RASGRP1: variants seen among roughly 807,000 people sequenced by gnomAD.
RASGRP1 encodes RAS guanyl-releasing protein 1.
A neutral mutation model predicts 95.1 loss-of-function variants in RASGRP1; 37 were observed. The ratio of observed to expected loss-of-function variants is 0.39; its 90% CI spans 0.30 to 0.51. The LOEUF is 0.51. RASGRP1 is among the 20% of genes least tolerant of loss of function. The probability of loss-of-function intolerance (pLI) is 0.80; values close to 1 mark genes in which losing one functional copy is unlikely to be tolerated. For synonymous variants in RASGRP1, 325 were observed against 353.4 expected (o/e 0.92, Z 0.90); for missense variants, 711 against 965.4 (o/e 0.74, Z 3.49).
intron 5 of RASGRP1, 29 bp downstream of exon 5, chr15:38,518,263 G>C (rs1239012151): frequency 6.2e-7 from 1 of 1,602,382 alleles, no homozygotes; most frequent in Non-Finnish European, 8.5e-7. Flanking sequence ...AGGTGGTTTC[G>C]AAAGATGAGT....
chr15:38,556,587 T>C lies in RASGRP1; in HGVS notation c.220+3234A>G, dbSNP rs146193081. Among the ~76,000 whole-genome samples, 57 of 152,368 alleles carry C rather than the reference T, an allele frequency of 3.7e-4. No homozygotes were observed. In the East Asian group the frequency reaches 9.8e-3, roughly 26 times the overall value. On this transcript the variant is annotated intron_variant, in intron 2 of 16. Coordinates refer to ENST00000310803, the MANE Select transcript of RASGRP1 (RefSeq NM_005739.4). The stretch of plus-strand genomic sequence containing the variant: ...CGACAAACATCTACCCTCTCCAGCA[T>C]TGTCCAACTGACTTTTTTGCAACAA...
intron 9 of RASGRP1, 35 bp from the exon 10 acceptor site, chr15:38,505,955 G>A (rs2141099943): frequency 6.6e-7 from 1 of 1,511,220 alleles, no homozygotes; most frequent in South Asian, 1.2e-5. Flanking sequence ...TCATTGCTAA[G>A]ATGCTGTTTG....
rs1322228802 is a variant in RASGRP1 at position 38,516,227 on chromosome 15, G to A, written c.645C>T (p.Tyr215=). The part of the protein sequence containing the change: ...EPEELSEHLT[Y]LEFKSFRRIS... ...TCCTCCGGAAAGACTTGAACTCAAG[G>A]TAGGTGAGGTGCTCGGATAGCTCTT... Residue 215 remains tyrosine, a synonymous_variant, in exon 6 of 17, where the codon TAC becomes TAT. Transcript: ENST00000310803. 6.2e-7 allele frequency: 1 copy of A among 1,601,544 alleles called. No homozygotes were observed. The highest frequency in any genetic ancestry group is 1.3e-5 in the African/African-American group (1 of 74,622).
intron 13 of RASGRP1, 142 bp downstream of exon 13, chr15:38,501,001 G>A (rs1224009354): frequency 1.0e-5 from 10 of 991,446 alleles, no homozygotes; most frequent in East Asian, 5.3e-5. Flanking sequence ...AAAACCACAC[G>A]CTTGAGCTCT....
In RASGRP1 at chr15:38,518,286, A is replaced by G. The variant is rs1191735029; in HGVS notation, c.521+6T>C. 6.2e-7 allele frequency: 1 copy of G among 1,608,730 alleles called. No individual in the cohort carries two copies. The highest frequency in any genetic ancestry group is 8.5e-7 in the Non-Finnish European group (1 of 1,177,668). Reference sequence around the variant, plus strand: ...TCGAAAGATGAGTCAAGACCTTGACACTCACATTTGAGTTGTGTCAATCAG... The same window carrying G: ...TCGAAAGATGAGTCAAGACCTTGACGCTCACATTTGAGTTGTGTCAATCAG... On this transcript the variant is annotated splice_donor_region_variant and intron_variant, in intron 5 of 16. Transcript: ENST00000310803.
At chr15:38,500,273 T>G in intron 13 of RASGRP1, 134 bp from the exon 14 acceptor site, 2 of 811,938 alleles carry the variant, frequency 2.5e-6, no homozygotes, top group Non-Finnish European at 4.1e-6. Flanking sequence ...ATCTCTCATG[T>G]CTTGTCCCTT....
At chr15:38,560,900 G>A (rs1158637130) in intron 1 of RASGRP1, among the ~76,000 whole-genome samples, 1 of 152,134 alleles carries the variant, frequency 6.6e-6, no homozygotes, top group African/African-American at 2.4e-5. Context: ...TCTATCTCTG[G>A]TCATGACCTC....
intron 1 of RASGRP1, 89 bp downstream of exon 1, chr15:38,564,504 CT>C (rs1893952103): frequency 8.4e-7 from 1 of 1,191,998 alleles, no homozygotes. Flanking sequence ...CCGCCCTCAA[CT>C]TCCCTCGGGG....
At chr15:38,528,933 A>G (rs1472739201) in intron 2 of RASGRP1, among the ~76,000 whole-genome samples, 1 of 152,136 alleles carries the variant, frequency 6.6e-6, no homozygotes, top group Non-Finnish European at 1.5e-5. Flanking sequence ...CCCTGAGTTC[A>G]TTGTTCCTCG....
At chr15:38,517,298 G>A (rs1891826931) in intron 5 of RASGRP1, among the ~76,000 whole-genome samples, 1 of 152,168 alleles carries the variant, frequency 6.6e-6, no homozygotes, top group South Asian at 2.1e-4. Flanking sequence ...AGTCAGCTAG[G>A]AAATACTGGG....
At chr15:38,557,983 A>G (rs1337819176) in intron 2 of RASGRP1, among the ~76,000 whole-genome samples, 2 of 152,188 alleles carry the variant, frequency 1.3e-5, no homozygotes, top group Non-Finnish European at 2.9e-5. Context: ...TGATTCTTTG[A>G]AGATTAGAAA....
In RASGRP1 at chr15:38,543,646, T is replaced by TTC. The variant is rs1306882304; in HGVS notation, c.220+16173_220+16174dup. ...TACTGACCTTTCTTTTTTTCTTTTT[T>TTC]TCTTTTTTTTTTTTTGCATCCACTA... On this transcript the variant is annotated intron_variant, in intron 2 of 16. Transcript: ENST00000310803. 8.9e-4 allele frequency among the ~76,000 whole-genome samples: 129 copies of TTC among 144,440 alleles called. 1 individual carries two copies. Among genetic ancestry groups the TTC allele is most frequent in the African/African-American group, 3.3e-3 (118 of 35,602 alleles). The allele number at this position is 144,440 out of a possible 152,430, so 94.8% of individuals were successfully genotyped here.
chr15:38,550,270 GA>G (rs911253371), intron 2 of RASGRP1, among the ~76,000 whole-genome samples: 23 of 142,996 alleles, frequency 1.6e-4, no homozygotes, highest in Admixed American at 6.3e-4. Flanking sequence ...GAAAAGAAAA[GA>G]AAAAAAAGTT....
At position 38,488,856 on chromosome 15, in the gene RASGRP1, G is replaced by C. The variant is rs1798500551; in HGVS notation, c.*1698C>G. ...GTGTTACTATAAGTTTATATGCCAG[G>C]TAGTGGGCTTAAGCAGGCCTGCTTT... On this transcript the variant is annotated 3_prime_UTR_variant, in exon 17 of 17. Coordinates refer to ENST00000310803, the MANE Select transcript of RASGRP1 (RefSeq NM_005739.4). 6.6e-6 allele frequency: 1 copy of C among 152,008 alleles called. No homozygotes were observed. The highest frequency in any genetic ancestry group is 1.5e-5 in the Non-Finnish European group (1 of 67,894). The allele number at this position is 152,008 out of a possible 1,614,324, so 9.4% of individuals were successfully genotyped here.
rs1243244698 is a variant in RASGRP1, at chr15:38,559,934, G to A, written c.107C>T (p.Pro36Leu). 1.2e-6 allele frequency: 2 copies of A among 1,613,598 alleles called. No homozygotes were observed. Among genetic ancestry groups the A allele is most frequent in the Non-Finnish European group, 8.5e-7 (1 of 1,179,718 alleles). ...LEAKPANSPF[P>L]SHPSLAHITQ... ...GATGTGGGCCAAGCTGGGATGGGAG[G>A]GGAAGGGGCTGTTGGCTGGCTTTGC... Residue 36 changes from proline to leucine, a missense_variant, in exon 2 of 17, where the codon CCC becomes CTC. Pro to Leu is a moderately conservative substitution (Grantham distance 98). This residue lies in a region of RASGRP1 where 491 missense variants were observed against 676.6 expected (regional missense o/e 0.73). Transcript: ENST00000310803.
At chr15:38,543,852 C>T (rs373666598) in intron 2 of RASGRP1, among the ~76,000 whole-genome samples, 1 of 151,914 alleles carries the variant, frequency 6.6e-6, no homozygotes, top group Non-Finnish European at 1.5e-5. Context: ...GCTTTAAATT[C>T]TCTATCTACT....
intron 3 of RASGRP1, among the ~76,000 whole-genome samples, chr15:38,521,310 A>G (rs1001783407): frequency 6.6e-6 from 1 of 152,134 alleles, no homozygotes; most frequent in East Asian, 1.9e-4. Flanking sequence ...CAAAAACCAC[A>G]CTTCTGTTTT....
At chr15:38,539,476 A>G (rs1892780706) in intron 2 of RASGRP1, among the ~76,000 whole-genome samples, 1 of 152,160 alleles carries the variant, frequency 6.6e-6, no homozygotes, top group Admixed American at 6.5e-5. Flanking sequence ...AGAAGGGGCT[A>G]CAAATTATCA....
intron 15 of RASGRP1, 87 bp downstream of exon 15, chr15:38,498,707 A>G: frequency 6.7e-7 from 1 of 1,497,786 alleles, no homozygotes; most frequent in Admixed American, 2.0e-5. Context: ...AAACTCAAAC[A>G]CAGAGTCATG....
Sources: allele counts gnomAD v4.1 joint callset (sites outside exome capture counted in the v4.1 genomes callset), GRCh38; gene constraint gnomAD v4.1.1; regional missense constraint gnomAD v4.1.1; transcripts MANE v1.5; gene names NCBI Gene and HGNC (gene_info 2026-07-23, HGNC 2026-07-21).